The following PPP4R3B variants were observed in gnomAD, a reference collection of about 807,000 sequenced individuals.
The protein encoded by PPP4R3B is serine/threonine-protein phosphatase 4 regulatory subunit 3B.
PPP4R3B carries 52 observed loss-of-function variants against 95.4 expected under a neutral mutation model. The observed-to-expected ratio is 0.54, with a 90% CI of 0.44 to 0.69. PPP4R3B has a LOEUF of 0.69. Among genes scored for constraint, PPP4R3B ranks in the 30% least tolerant of loss-of-function variants. PPP4R3B has a pLI of 0.00. For synonymous variants in PPP4R3B, 407 were observed against 343.9 expected (o/e 1.18, Z -2.03); for missense variants, 1,003 against 1,005.9 (o/e 1.00, Z 0.04).
At chr2:55,581,841 C>T in intron 7 of PPP4R3B, 143 bp from the exon 8 acceptor site, 1 of 757,850 alleles carries the variant, frequency 1.3e-6, no homozygotes, top group Non-Finnish European at 1.9e-6. Context: ...ACCTCTATTC[C>T]TAATGCTTTT....
chr2:55,564,577 C>T, intron 14 of PPP4R3B, 80 bp from the exon 15 acceptor site: 1 of 1,229,374 alleles, frequency 8.1e-7, no homozygotes, highest in Non-Finnish European at 1.1e-6. Context: ...ATATGTATAA[C>T]CAAGATGAAC....
intron 4 of PPP4R3B, among the ~76,000 whole-genome samples, chr2:55,592,322 T>G (rs901839981): frequency 6.6e-6 from 1 of 152,076 alleles, no homozygotes; most frequent in Non-Finnish European, 1.5e-5. Flanking sequence ...ATTAATGAGG[T>G]TTTTGTCACT....
chr2:55,588,884 C>G lies in PPP4R3B; in HGVS notation c.994G>C (p.Glu332Gln). The G allele has an allele frequency of 6.2e-7, 1 of 1,604,958 alleles. No individual in the cohort carries two copies. Among genetic ancestry groups the G allele is most frequent in the South Asian group, 1.1e-5 (1 of 89,718 alleles). The change falls in exon 5 of 17, where the codon GAA becomes CAA. Residue 332 changes from glutamate to glutamine, a missense_variant. Glu to Gln is a conservative substitution (Grantham distance 29, BLOSUM62 2). Coordinates refer to ENST00000616407, the MANE Select transcript of PPP4R3B (RefSeq NM_001122964.3). ...GTTTGAATTTCATAACTTACCAATT[C>G]ACGCCGTTTATCATCATCTGTAGCC... ...DEATDDDKRR[E>Q]LVNFFKEFCA...
intron 10 of PPP4R3B, among the ~76,000 whole-genome samples, chr2:55,578,037 G>A (rs1018824941): frequency 1.3e-5 from 2 of 151,922 alleles, no homozygotes; most frequent in Admixed American, 6.6e-5. Context: ...AAATAAATAA[G>A]AACTCTATTT....
rs1293094481 is a variant in PPP4R3B, at chr2:55,564,473, G to A, written c.2100C>T (p.Asn700=). 6 of 1,610,802 alleles carry A rather than the reference G, an allele frequency of 3.7e-6. No individual in the cohort carries two copies. Among genetic ancestry groups the A allele is most frequent in the Middle Eastern group, 1.6e-4 (1 of 6,068 alleles). The part of the protein sequence containing the change: ...LNSVPSILRS[N]RFRRDAKALE... ...AGGCTTTTGCATCTCTGCGAAATCT[G>A]TTACTACGCAATATAGATGGTACAC... The change falls in exon 15 of 17, where the codon AAC becomes AAT. Residue 700 remains asparagine, a synonymous_variant. Coordinates refer to ENST00000616407, the MANE Select transcript of PPP4R3B (RefSeq NM_001122964.3).
chr2:55,566,102 T>C (rs1157936220), intron 13 of PPP4R3B, among the ~76,000 whole-genome samples: 1 of 152,278 alleles, frequency 6.6e-6, no homozygotes, highest in East Asian at 1.9e-4. Context: ...AAAGTTGTGA[T>C]TGAGGACTTT....
rs1686167800 is a variant in PPP4R3B, at chr2:55,558,645, C to T, written c.2454+130G>A. The T allele has an allele frequency of 1.1e-5, 7 of 664,632 alleles. No homozygotes were observed. In the East Asian group the frequency reaches 1.9e-4, roughly 18 times the overall value. The allele number at this position is 664,632 out of a possible 1,614,324, so 41.2% of individuals were successfully genotyped here. A position where few individuals can be genotyped will look rare whatever the true frequency, so the allele number is the denominator to read the frequency against. ...AAATAAAATAAAATTCTACAATCAACATTTTGGTAACAGAAAAATTCTAAA... is the reference window on the plus strand; with the variant it reads ...AAATAAAATAAAATTCTACAATCAATATTTTGGTAACAGAAAAATTCTAAA... On this transcript the variant is annotated intron_variant, in intron 16 of 16. Coordinates refer to ENST00000616407, the MANE Select transcript of PPP4R3B (RefSeq NM_001122964.3).
At chr2:55,562,614 A>G (rs1346377437) in intron 15 of PPP4R3B, among the ~76,000 whole-genome samples, 1 of 152,160 alleles carries the variant, frequency 6.6e-6, no homozygotes, top group Admixed American at 6.6e-5. Flanking sequence ...TTTTCTTCAT[A>G]AACTACCCAG....
Position 55,599,016 on chromosome 2 carries a change from C to T in PPP4R3B, c.321G>A (p.Val107=). The T allele has an allele frequency of 6.2e-7, 1 of 1,613,444 alleles. No homozygotes were observed. Among genetic ancestry groups the T allele is most frequent in the Non-Finnish European group, 8.5e-7 (1 of 1,179,760 alleles). Residue 107 remains valine, a synonymous_variant, in exon 4 of 17, where the codon GTG becomes GTA. Coordinates refer to ENST00000616407, the MANE Select transcript of PPP4R3B (RefSeq NM_001122964.3). ...CATCAATGAGGTCCTGTGTGACTTC[C>T]ACTGATGGGTCTTTACCTTGAACCT... ...ICQVQGKDPS[V]EVTQDLIDES...
At chr2:55,599,250 C>A (rs1272048105) in intron 3 of PPP4R3B, among the ~76,000 whole-genome samples, 2 of 151,968 alleles carry the variant, frequency 1.3e-5, no homozygotes. Flanking sequence ...CCAGCCTGGG[C>A]AACATGGTGA....
intron 3 of PPP4R3B, among the ~76,000 whole-genome samples, chr2:55,599,808 G>C (rs1692297367): frequency 1.3e-5 from 2 of 149,112 alleles, no homozygotes; most frequent in South Asian, 2.1e-4. Context: ...TCACCTTTAA[G>C]TCTCAGAAGA....
chr2:55,569,030 TATGA>T (rs1424756626), intron 12 of PPP4R3B, among the ~76,000 whole-genome samples: 3 of 152,210 alleles, frequency 2.0e-5, no homozygotes, highest in Non-Finnish European at 4.4e-5. Flanking sequence ...TATGATTATA[TATGA>T]ATATCATTAA....
intron 4 of PPP4R3B, among the ~76,000 whole-genome samples, chr2:55,597,544 C>A (rs984993358): frequency 6.6e-6 from 1 of 152,114 alleles, no homozygotes; most frequent in Non-Finnish European, 1.5e-5. Flanking sequence ...ATGGCGTGAA[C>A]CCGGGAGGCG....
At chr2:55,580,558 A>G (rs576691778) in intron 8 of PPP4R3B, among the ~76,000 whole-genome samples, 1 of 152,304 alleles carries the variant, frequency 6.6e-6, no homozygotes, top group African/African-American at 2.4e-5. Context: ...GATTTCACCA[A>G]TTCTATCTAA....
intron 4 of PPP4R3B, among the ~76,000 whole-genome samples, chr2:55,597,478 T>C (rs1305551326): frequency 1.3e-5 from 2 of 152,016 alleles, no homozygotes; most frequent in Non-Finnish European, 2.9e-5. Flanking sequence ...AAAAATTAGC[T>C]GGGCGTGATG....
At chr2:55,593,506 G>A (rs1367548926) in intron 4 of PPP4R3B, among the ~76,000 whole-genome samples, 1 of 151,948 alleles carries the variant, frequency 6.6e-6, no homozygotes, top group Non-Finnish European at 1.5e-5. Flanking sequence ...AGAAACCACA[G>A]GTAAGTGTAC....
At chr2:55,577,438 C>A in intron 10 of PPP4R3B, 82 bp from the exon 11 acceptor site, 1 of 1,226,666 alleles carries the variant, frequency 8.2e-7, no homozygotes, top group Non-Finnish European at 1.0e-6. Context: ...ATATACAATG[C>A]ATGTCTTCAA....
At position 55,549,968 on chromosome 2, in the gene PPP4R3B, TTCA is replaced by T; in HGVS notation, c.2490_2492del (p.Asp830del). 3 of 1,613,412 alleles carry T rather than the reference TTCA, an allele frequency of 1.9e-6. No individual in the cohort carries two copies. Among genetic ancestry groups the T allele is most frequent in the Non-Finnish European group, 2.5e-6 (3 of 1,179,804 alleles). Reference sequence around the variant, plus strand: ...ACGATTCTTCTTCTTCATCTTCCTCTTCATCATCTGGATAATCCACTAAGCCAA... The same window carrying T: ...ACGATTCTTCTTCTTCATCTTCCTCTTCATCTGGATAATCCACTAAGCCAA... On this transcript the variant is annotated inframe_deletion, in exon 17 of 17. Transcript: ENST00000616407.
At position 55,581,602 on chromosome 2, in the gene PPP4R3B, G is replaced by C. The variant is rs1230833465; in HGVS notation, c.1330C>G (p.Leu444Val). 4 of 1,613,212 alleles carry C rather than the reference G, an allele frequency of 2.5e-6. No individual in the cohort carries two copies. The highest frequency in any genetic ancestry group is 3.4e-6 in the Non-Finnish European group (4 of 1,179,614). The change falls in exon 8 of 17, where the codon CTA (leucine) becomes GTA (valine). Residue 444 changes from leucine (L) to valine (V), a missense_variant. Leu to Val is a conservative substitution (Grantham distance 32, BLOSUM62 1). Around this residue, in one of 3 missense-constraint regions of PPP4R3B, gnomAD observed 695 missense variants for 686.2 expected, o/e 1.01. Transcript: ENST00000616407. ...GCCAGCATGTTCTCTGGATCAATTA[G>C]AGTACGAAGAAGTCCCATTAACTGA... ...AVQLMGLLRT[L>V]IDPENMLATT...
Sources: allele counts gnomAD v4.1 joint callset (sites outside exome capture counted in the v4.1 genomes callset), GRCh38; gene constraint gnomAD v4.1.1; regional missense constraint gnomAD v4.1.1; transcripts MANE v1.5; gene names NCBI Gene and HGNC (gene_info 2026-07-23, HGNC 2026-07-21).